The following TMEM232 variants were observed in gnomAD, a reference collection of about 807,000 sequenced individuals.
TMEM232 encodes the protein transmembrane protein 232.
A neutral mutation model predicts 78.8 loss-of-function variants in TMEM232; 80 were observed. The ratio of observed to expected loss-of-function variants is 1.01; its 90% CI spans 0.85 to 1.22. The LOEUF (loss-of-function observed/expected upper bound fraction) is 1.22, where lower values mean the gene tolerates loss of function less well. Among genes scored for constraint, TMEM232 ranks in the 50% most tolerant of loss-of-function variants. The probability of loss-of-function intolerance (pLI) is 0.00; values close to 1 mark genes in which losing one functional copy is unlikely to be tolerated. For synonymous variants in TMEM232, 297 were observed against 254.3 expected (o/e 1.17, Z -1.60); for missense variants, 881 against 742.2 (o/e 1.19, Z -2.17).
upstream of TMEM232, among the ~76,000 whole-genome samples, chr5:110,728,728 TC>T (rs1426254896): frequency 6.7e-5 from 10 of 149,496 alleles, no homozygotes; most frequent in African/African-American, 2.4e-4. Flanking sequence ...ATATATATAA[TC>T]CTAAAATGGC....
At chr5:110,689,713 T>C (rs954633416) in intron 1 of TMEM232, among the ~76,000 whole-genome samples, 2 of 152,118 alleles carry the variant, frequency 1.3e-5, no homozygotes, top group East Asian at 3.9e-4. Flanking sequence ...CCTGGAGGCA[T>C]CACACTACCT....
chr5:110,541,516 G>C (rs1773110995), intron 11 of TMEM232, among the ~76,000 whole-genome samples: 1 of 152,060 alleles, frequency 6.6e-6, no homozygotes, highest in South Asian at 2.1e-4. Flanking sequence ...AAGTGATAAA[G>C]GCATGTCCTT....
intron 11 of TMEM232, among the ~76,000 whole-genome samples, chr5:110,546,833 T>C (rs1359084416): frequency 6.6e-6 from 1 of 152,094 alleles, no homozygotes; most frequent in Non-Finnish European, 1.5e-5. Flanking sequence ...CAGGAAAATA[T>C]TATAAGTTGG....
chr5:110,469,980 C>T (rs756963873), intron 12 of TMEM232, among the ~76,000 whole-genome samples: 27 of 152,098 alleles, frequency 1.8e-4, no homozygotes, highest in Admixed American at 1.3e-3. Context: ...TCCCTGCCCC[C>T]CCGGAACCCC....
intron 10 of TMEM232, among the ~76,000 whole-genome samples, chr5:110,584,139 C>T (rs1778527167): frequency 6.6e-6 from 1 of 151,868 alleles, no homozygotes; most frequent in African/African-American, 2.4e-5. Flanking sequence ...CTGGCAATTC[C>T]ACTTCTGGAT....
chr5:110,665,890 A>G (rs1422497), intron 2 of TMEM232, among the ~76,000 whole-genome samples: 1 of 123,534 alleles, frequency 8.1e-6, no homozygotes, highest in Non-Finnish European at 1.6e-5. Flanking sequence ...CCCCATCTCC[A>G]CAAAAAAAAA....
chr5:110,556,938 T>C (rs1354671028), intron 11 of TMEM232, among the ~76,000 whole-genome samples: 3 of 152,186 alleles, frequency 2.0e-5, no homozygotes, highest in Admixed American at 6.6e-5. Context: ...GTTAAGGACA[T>C]TTTCATTGGC....
intron 1 of TMEM232, among the ~76,000 whole-genome samples, chr5:110,697,509 GC>G (rs1229792640): frequency 3.3e-5 from 5 of 152,082 alleles, no homozygotes; most frequent in Non-Finnish European, 7.4e-5. Context: ...GAGTGAACAG[GC>G]AACCTACAGA....
chr5:110,441,722 A>C (rs1759063755), intron 12 of TMEM232, among the ~76,000 whole-genome samples: 1 of 152,200 alleles, frequency 6.6e-6, no homozygotes, highest in Admixed American at 6.5e-5. Context: ...AAGCAATGGA[A>C]TGAGGATGGA....
chr5:110,680,015 C>G (rs1792516729), intron 1 of TMEM232, among the ~76,000 whole-genome samples: 1 of 152,130 alleles, frequency 6.6e-6, no homozygotes, highest in African/African-American at 2.4e-5. Flanking sequence ...TCCTTACATC[C>G]TAACTCCAGA....
intron 12 of TMEM232, among the ~76,000 whole-genome samples, chr5:110,498,759 G>T (rs746122645): frequency 4.6e-5 from 7 of 152,104 alleles, no homozygotes; most frequent in Non-Finnish European, 1.0e-4. Context: ...AGAGCAGATG[G>T]AAATTAACAG....
intron 1 of TMEM232, among the ~76,000 whole-genome samples, chr5:110,716,130 G>A (rs1796984710): frequency 6.6e-6 from 1 of 151,954 alleles, no homozygotes; most frequent in South Asian, 2.1e-4. Context: ...TGACCACCTT[G>A]GGCACATATT....
intron 5 of TMEM232, among the ~76,000 whole-genome samples, chr5:110,631,128 A>G (rs563083644): frequency 8.3e-4 from 126 of 152,280 alleles, no homozygotes; most frequent in African/African-American, 2.9e-3. Flanking sequence ...AGCAGCCTAC[A>G]GTGGCACAGC....
chr5:110,726,305 G>A (rs894042473), intron 1 of TMEM232, among the ~76,000 whole-genome samples: 5 of 152,226 alleles, frequency 3.3e-5, no homozygotes, highest in Admixed American at 1.3e-4. Flanking sequence ...GAGTCCAGGG[G>A]AGATTAAATG....
downstream of TMEM232, among the ~76,000 whole-genome samples, chr5:110,415,871 A>AC (rs557105350): frequency 7.6e-4 from 116 of 152,134 alleles, no homozygotes; most frequent in Middle Eastern, 0.01. Context: ...AAGATGATTC[A>AC]CCCCCTTTCC....
intron 12 of TMEM232, among the ~76,000 whole-genome samples, chr5:110,511,725 C>T (rs1309003164): frequency 1.3e-5 from 2 of 152,138 alleles, no homozygotes; most frequent in Non-Finnish European, 2.9e-5. Flanking sequence ...AGTCACTTAG[C>T]TATAGTACTT....
At chr5:110,401,774 T>C (rs1755611078) in intron 2 of TMEM232, among the ~76,000 whole-genome samples, 3 of 152,084 alleles carry the variant, frequency 2.0e-5, no homozygotes. Flanking sequence ...ATAAATAGAT[T>C]ATTATACATT....
At chr5:110,539,808 A>G (rs1047163159) in intron 11 of TMEM232, among the ~76,000 whole-genome samples, 2 of 152,208 alleles carry the variant, frequency 1.3e-5, no homozygotes, top group African/African-American at 4.8e-5. Context: ...TCCAAAAGGA[A>G]GGCTTAGAAT....
At chr5:110,466,833 T>C (rs765825764) in intron 12 of TMEM232, among the ~76,000 whole-genome samples, 4 of 151,932 alleles carry the variant, frequency 2.6e-5, no homozygotes, top group Non-Finnish European at 4.4e-5. Flanking sequence ...GCCAGGATGG[T>C]CTCGATCTCC....
Sources: allele counts gnomAD v4.1 joint callset (sites outside exome capture counted in the v4.1 genomes callset), GRCh38; gene constraint gnomAD v4.1.1; transcripts MANE v1.5; gene names NCBI Gene and HGNC (gene_info 2026-07-23, HGNC 2026-07-21).